RBFOX1: variants seen among roughly 807,000 people sequenced by gnomAD.
The protein encoded by RBFOX1 is RNA binding fox-1 homolog 1, also known as RNA binding protein fox-1 homolog 1.
RBFOX1 carries 8 observed loss-of-function variants against 57.7 expected under a neutral mutation model. The observed-to-expected ratio is 0.14, with a 90% CI of 0.08 to 0.25. The LOEUF is 0.25. Among genes scored for constraint, RBFOX1 ranks in the 10% least tolerant of loss-of-function variants. The pLI is 1.00. For missense variants in RBFOX1, 611 were observed against 548.5 expected (o/e 1.11, Z -1.14); for synonymous variants, 326 against 222.4 (o/e 1.47, Z -4.15).
intron 3 of RBFOX1, among the ~76,000 whole-genome samples, chr16:6,780,410 T>TTATATATATTTATATATATTTA (rs2080724495): frequency 1.3e-5 from 1 of 79,224 alleles, no homozygotes; most frequent in Non-Finnish European, 2.0e-5. Flanking sequence ...TTATATATAT[T>TTATATATATTTATATATATTTA]TATATATATT....
At chr16:5,314,061 C>G (rs565834933) in intron 1 of RBFOX1, among the ~76,000 whole-genome samples, 45 of 152,262 alleles carry the variant, frequency 3.0e-4, no homozygotes, top group African/African-American at 9.1e-4. Flanking sequence ...ATAATGTGAG[C>G]TAACATTTAT....
intron 1 of RBFOX1, among the ~76,000 whole-genome samples, chr16:5,454,987 C>A (rs1443396362): frequency 1.0e-5 from 1 of 97,388 alleles, no homozygotes; most frequent in African/African-American, 3.6e-5. Context: ...TTCTTTCTTT[C>A]TTTCTTTCTT....
intron 14 of RBFOX1, among the ~76,000 whole-genome samples, chr16:7,704,379 T>C (rs763034254): frequency 6.6e-6 from 1 of 152,160 alleles, no homozygotes. Context: ...CTCACAGAAA[T>C]GATGTAAAAA....
chr16:5,888,109 C>A (rs925817480), intron 4 of RBFOX1, among the ~76,000 whole-genome samples: 1 of 152,208 alleles, frequency 6.6e-6, no homozygotes, highest in African/African-American at 2.4e-5. Context: ...CCTCTCAGAC[C>A]ACTTTCCACT....
chr16:5,419,843 G>A (rs963783553), intron 1 of RBFOX1, among the ~76,000 whole-genome samples: 6 of 152,080 alleles, frequency 3.9e-5, no homozygotes, highest in African/African-American at 1.4e-4. Context: ...GAGAAGGAGT[G>A]TGGGTGGCCC....
chr16:6,093,578 A>T (rs926731792), intron 1 of RBFOX1, among the ~76,000 whole-genome samples: 1 of 152,066 alleles, frequency 6.6e-6, no homozygotes, highest in African/African-American at 2.4e-5. Context: ...GTATTTATGT[A>T]TTGTGTAATT....
chr16:6,143,959 C>CCACATATATATATATATATATATATATA (rs71404590), intron 1 of RBFOX1, among the ~76,000 whole-genome samples: 2 of 139,956 alleles, frequency 1.4e-5, no homozygotes, highest in African/African-American at 5.6e-5. Flanking sequence ...CCATACTCAG[C>CCACATATATATATATATATATATATATA]TATATATATA....
intron 3 of RBFOX1, among the ~76,000 whole-genome samples, chr16:5,852,832 A>AG (rs541159975): frequency 7.4e-4 from 113 of 152,126 alleles, no homozygotes; most frequent in African/African-American, 2.6e-3. Flanking sequence ...TCCATCTCTA[A>AG]GGGGAAAAAA....
chr16:6,579,614 C>T (rs1180029477), intron 2 of RBFOX1, among the ~76,000 whole-genome samples: 1 of 152,190 alleles, frequency 6.6e-6, no homozygotes, highest in Non-Finnish European at 1.5e-5. Context: ...GCTTCCCCTT[C>T]CGCCACGATT....
chr16:7,692,664 G>C (rs552173023), intron 14 of RBFOX1, among the ~76,000 whole-genome samples: 35 of 152,144 alleles, frequency 2.3e-4, no homozygotes, highest in African/African-American at 8.4e-4. Flanking sequence ...TGTCACAGTT[G>C]GAAACGTCTT....
At chr16:6,952,814 A>G (rs1266796036) in intron 3 of RBFOX1, among the ~76,000 whole-genome samples, 1 of 151,930 alleles carries the variant, frequency 6.6e-6, no homozygotes, top group Non-Finnish European at 1.5e-5. Context: ...CATCTCTACT[A>G]AAATACAAAA....
intron 4 of RBFOX1, among the ~76,000 whole-genome samples, chr16:5,916,950 T>C (rs2058716620): frequency 6.6e-6 from 1 of 152,078 alleles, no homozygotes; most frequent in African/African-American, 2.4e-5. Flanking sequence ...CTAGTGGGTG[T>C]CTCCCCTGCC....
At chr16:6,984,169 C>T (rs534025447) in intron 3 of RBFOX1, among the ~76,000 whole-genome samples, 5 of 152,130 alleles carry the variant, frequency 3.3e-5, no homozygotes, top group Admixed American at 1.3e-4. Flanking sequence ...ATTGCTTGAA[C>T]CCTGGAGGCA....
intron 3 of RBFOX1, among the ~76,000 whole-genome samples, chr16:5,665,170 C>G (rs182336192): frequency 6.0e-5 from 9 of 150,948 alleles, no homozygotes; most frequent in Admixed American, 1.3e-4. Context: ...AGGCTGGCCT[C>G]GAACTCCTGG....
chr16:6,211,269 C>T (rs1377311308), intron 1 of RBFOX1, among the ~76,000 whole-genome samples: 4 of 130,964 alleles, frequency 3.1e-5, no homozygotes, highest in Non-Finnish European at 4.8e-5. Flanking sequence ...CGCTTTGTCG[C>T]CCAGGCTGGA....
intron 2 of RBFOX1, among the ~76,000 whole-genome samples, chr16:6,480,178 A>G (rs987882427): frequency 2.6e-5 from 4 of 152,220 alleles, no homozygotes; most frequent in Non-Finnish European, 5.9e-5. Context: ...TTCTTTTAAG[A>G]GAACACTTAT....
intron 4 of RBFOX1, among the ~76,000 whole-genome samples, chr16:7,346,264 G>C (rs2097002660): frequency 6.6e-6 from 1 of 151,886 alleles, no homozygotes; most frequent in Non-Finnish European, 1.5e-5. Flanking sequence ...CAATGCCCCT[G>C]GGCCACATGG....
At chr16:5,629,646 G>A (rs1198041086) in intron 3 of RBFOX1, among the ~76,000 whole-genome samples, 1 of 152,148 alleles carries the variant, frequency 6.6e-6, no homozygotes, top group Non-Finnish European at 1.5e-5. Context: ...TGGGGTCTTG[G>A]TATGATAATA....
rs139284808 is a variant in RBFOX1 at position 6,124,066 on chromosome 16, A to G, written c.-127+104074A>G. Reference sequence around the variant, plus strand: ...TTCTAGCTGCCCTCGAGTGTGAGACATAGGCTGGAGACTGGTAACTCGTGG... The same window carrying G: ...TTCTAGCTGCCCTCGAGTGTGAGACGTAGGCTGGAGACTGGTAACTCGTGG... On this transcript the variant is annotated intron_variant, in intron 1 of 15. Coordinates refer to ENST00000550418, the MANE Select transcript of RBFOX1 (RefSeq NM_018723.4). Among the ~76,000 whole-genome samples the G allele has an allele frequency of 1.7e-3, 252 of 152,344 alleles. 2 individuals carry two copies. The highest frequency in any genetic ancestry group is 5.2e-3 in the African/African-American group (215 of 41,572).
Sources: allele counts gnomAD v4.1 joint callset (sites outside exome capture counted in the v4.1 genomes callset), GRCh38; gene constraint gnomAD v4.1.1; transcripts MANE v1.5; gene names NCBI Gene and HGNC (gene_info 2026-07-23, HGNC 2026-07-21).